TRPS1: variants seen among roughly 807,000 people sequenced by gnomAD.
The protein encoded by TRPS1 is transcriptional repressor GATA binding 1.
TRPS1 carries 6 observed loss-of-function variants against 101.2 expected under a neutral mutation model. That is an observed-to-expected ratio of 0.06 (90% CI 0.03 to 0.12). TRPS1 has a LOEUF of 0.12. Ranked by LOEUF, TRPS1 falls within the 10% of genes least tolerant of loss-of-function variation. TRPS1 has a pLI of 1.00. For synonymous variants in TRPS1, 578 were observed against 589.8 expected, an observed-to-expected ratio of 0.98 and a Z score of 0.29; for missense variants, 1,363 against 1,567.0, an observed-to-expected ratio of 0.87 and a Z score of 2.20.
intron 1 of TRPS1, among the ~76,000 whole-genome samples, chr8:115,665,364 C>G (rs1175993044): frequency 6.6e-6 from 1 of 152,150 alleles, no homozygotes; most frequent in Non-Finnish European, 1.5e-5. Context: ...TACACACATA[C>G]ACATATACAT....
At chr8:115,469,865 C>T (rs1291534872) in intron 5 of TRPS1, among the ~76,000 whole-genome samples, 1 of 152,098 alleles carries the variant, frequency 6.6e-6, no homozygotes, top group Non-Finnish European at 1.5e-5. Context: ...TATGCCATAT[C>T]AATGCTACCC....
At chr8:115,642,244 G>GTA (rs1563664884) in intron 1 of TRPS1, among the ~76,000 whole-genome samples, 80 of 145,738 alleles carry the variant, frequency 5.5e-4, no homozygotes, top group African/African-American at 2.1e-3. Flanking sequence ...AAAGAAACCT[G>GTA]TGTGTATATA....
chr8:115,470,342 A>T (rs374192366), intron 5 of TRPS1, among the ~76,000 whole-genome samples: 24 of 152,304 alleles, frequency 1.6e-4, no homozygotes, highest in African/African-American at 5.5e-4. Flanking sequence ...GAAAATATGA[A>T]ATGCTGTTTG....
chr8:115,618,997 G>C, intron 3 of TRPS1, 135 bp downstream of exon 3: 1 of 857,772 alleles, frequency 1.2e-6, no homozygotes. Flanking sequence ...TAGCTATGGA[G>C]TGTGTCCATC....
chr8:115,447,049 T>A (rs1813755075), intron 5 of TRPS1, among the ~76,000 whole-genome samples: 2 of 152,150 alleles, frequency 1.3e-5, no homozygotes, highest in African/African-American at 4.8e-5. Flanking sequence ...TGAATCAGAA[T>A]CACTATAGTT....
At position 115,409,972 on chromosome 8, in the gene TRPS1, C is replaced by T. The variant is rs1385366563; in HGVS notation, c.*4051G>A. 6.6e-6 allele frequency: 1 copy of T among 150,634 alleles called. No homozygotes were observed. The highest frequency in any genetic ancestry group is 1.5e-5 in the Non-Finnish European group (1 of 67,708). The allele number at this position is 150,634 out of a possible 1,614,324, so 9.3% of individuals were successfully genotyped here. ...ACCAAAGACAGTAGCTAAAGTTGACCTCCTCTCAACTTAAGGCAAAAGGCT... is the reference window on the plus strand; with the variant it reads ...ACCAAAGACAGTAGCTAAAGTTGACTTCCTCTCAACTTAAGGCAAAAGGCT... On this transcript the variant is annotated 3_prime_UTR_variant, in exon 7 of 7. Coordinates refer to ENST00000395715, the MANE Select transcript of TRPS1 (RefSeq NM_014112.5).
chr8:115,536,784 G>T lies in TRPS1; in HGVS notation c.2700+50217C>A, dbSNP rs1458282506. Among the ~76,000 whole-genome samples, 4 of 150,340 alleles carry T rather than the reference G, an allele frequency of 2.7e-5. No homozygotes were observed. The East Asian group carries it at 8.0e-4, about 30-fold the overall frequency. ...CAGTGAGTACTTACTAAATATAGCT[G>T]AAGTTTTTTTTTTGTTTTTTTTTTC... is the stretch of plus-strand genomic sequence containing the variant. On this transcript the variant is annotated intron_variant, in intron 5 of 6. Transcript: ENST00000395715.
chr8:115,483,963 T>G (rs1294537432), intron 5 of TRPS1, among the ~76,000 whole-genome samples: 1 of 152,196 alleles, frequency 6.6e-6, no homozygotes, highest in Non-Finnish European at 1.5e-5. Context: ...CAAAAATGCT[T>G]TCACAGAAAA....
At chr8:115,535,115 C>CGCATATGTATA (rs1442585330) in intron 5 of TRPS1, among the ~76,000 whole-genome samples, 3 of 44,078 alleles carry the variant, frequency 6.8e-5, no homozygotes, top group African/African-American at 1.9e-4. Flanking sequence ...GCATATATAT[C>CGCATATGTATA]GCATATGTAT....
At chr8:115,607,433 T>C (rs1212797518) in intron 3 of TRPS1, among the ~76,000 whole-genome samples, 2 of 151,760 alleles carry the variant, frequency 1.3e-5, no homozygotes, top group African/African-American at 4.8e-5. Context: ...TGTTTTTTTT[T>C]TTTTGTTAAA....
At chr8:115,458,683 G>T (rs535806302) in intron 5 of TRPS1, among the ~76,000 whole-genome samples, 1 of 152,162 alleles carries the variant, frequency 6.6e-6, no homozygotes, top group Non-Finnish European at 1.5e-5. Flanking sequence ...CTAGTATGGC[G>T]TCCAGCACCA....
intron 5 of TRPS1, among the ~76,000 whole-genome samples, chr8:115,557,248 G>C (rs1236456043): frequency 1.3e-5 from 2 of 152,030 alleles, no homozygotes; most frequent in African/African-American, 2.4e-5. Flanking sequence ...GACTAGATTT[G>C]GGTGGGGACA....
intron 1 of TRPS1, among the ~76,000 whole-genome samples, chr8:115,631,773 A>G (rs1038935887): frequency 4.6e-5 from 7 of 152,134 alleles, no homozygotes; most frequent in Admixed American, 1.3e-4. Flanking sequence ...ACTAACAGCT[A>G]GAAAAATGCT....
chr8:115,543,196 C>T (rs1816493804), intron 5 of TRPS1, among the ~76,000 whole-genome samples: 1 of 152,130 alleles, frequency 6.6e-6, no homozygotes, highest in Non-Finnish European at 1.5e-5. Context: ...CTCACTATCA[C>T]TGTTATAGGG....
In TRPS1 at chr8:115,628,313, G is replaced by A. The variant is rs181234320; in HGVS notation, c.-121-4555C>T. On this transcript the variant is annotated intron_variant, in intron 1 of 6. Transcript: ENST00000395715. Reference sequence around the variant, plus strand: ...ACAATGAACCAGCTAATCCATTCACGCAACAAAAGGGATTTAGAAATTTGG... The same window carrying A: ...ACAATGAACCAGCTAATCCATTCACACAACAAAAGGGATTTAGAAATTTGG... Among the ~76,000 whole-genome samples the A allele has an allele frequency of 1.4e-3, 207 of 151,766 alleles. 1 individual carries two copies. The highest frequency in any genetic ancestry group is 4.9e-3 in the African/African-American group (202 of 41,458).
intron 1 of TRPS1, among the ~76,000 whole-genome samples, chr8:115,647,562 T>C (rs192721962): frequency 1.4e-4 from 22 of 152,346 alleles, no homozygotes; most frequent in Admixed American, 2.6e-4. Context: ...ACTTTATTTA[T>C]AGTTTCTGAT....
At chr8:115,515,985 C>T (rs1450697480) in intron 5 of TRPS1, among the ~76,000 whole-genome samples, 1 of 151,222 alleles carries the variant, frequency 6.6e-6, no homozygotes, top group Admixed American at 6.6e-5. Flanking sequence ...ATAAGCTTGG[C>T]AATTATCCTT....
intron 5 of TRPS1, among the ~76,000 whole-genome samples, chr8:115,544,536 A>T (rs895177098): frequency 6.6e-6 from 1 of 152,214 alleles, no homozygotes; most frequent in Non-Finnish European, 1.5e-5. Context: ...AATACTAATT[A>T]AAAAGCTGTA....
intron 4 of TRPS1, among the ~76,000 whole-genome samples, chr8:115,603,641 T>C (rs999688870): frequency 3.3e-5 from 5 of 152,116 alleles, no homozygotes; most frequent in Non-Finnish European, 7.4e-5. Context: ...ATAACACAAG[T>C]ATGAAACATG....
Sources: allele counts gnomAD v4.1 joint callset (sites outside exome capture counted in the v4.1 genomes callset), GRCh38; gene constraint gnomAD v4.1.1; transcripts MANE v1.5; gene names NCBI Gene and HGNC (gene_info 2026-07-23, HGNC 2026-07-21).